Variants in EIPR1 observed in about 807,000 individuals in gnomAD.
EIPR1 encodes the protein EARP complex and GARP complex interacting protein 1.
A neutral mutation model predicts 48.1 loss-of-function variants in EIPR1; 25 were observed. The observed-to-expected ratio is 0.52, with a 90% CI of 0.38 to 0.73. The LOEUF is 0.73. EIPR1 is among the 30% of genes least tolerant of loss of function. The pLI is 0.00. For synonymous variants in EIPR1, 204 were observed against 201.9 expected (o/e 1.01, Z -0.09); for missense variants, 415 against 506.2 (o/e 0.82, Z 1.73).
At chr2:3,325,401 C>T (rs181746280) in intron 3 of EIPR1, among the ~76,000 whole-genome samples, 4 of 152,342 alleles carry the variant, frequency 2.6e-5, no homozygotes, top group African/African-American at 9.6e-5. Flanking sequence ...GACCAGCATC[C>T]TGTCCACTGT....
chr2:3,274,240 G>A (rs1486010396), intron 3 of EIPR1: 1 of 1,498,128 alleles, frequency 6.7e-7, no homozygotes. Context: ...TCAGACTCAG[G>A]AGCACAACTA....
At chr2:3,211,085 C>T (rs535461969) in intron 5 of EIPR1, among the ~76,000 whole-genome samples, 4 of 152,248 alleles carry the variant, frequency 2.6e-5, no homozygotes, top group East Asian at 3.9e-4. Flanking sequence ...AATTTACCTA[C>T]GTCGCAAACC....
intron 3 of EIPR1, among the ~76,000 whole-genome samples, chr2:3,289,144 A>G (rs904570720): frequency 2.0e-5 from 3 of 152,194 alleles, no homozygotes; most frequent in African/African-American, 2.4e-5. Context: ...AGGGGAGACA[A>G]GCGAGGATTT....
intron 2 of EIPR1, among the ~76,000 whole-genome samples, chr2:3,342,627 T>C (rs1027560366): frequency 6.6e-6 from 1 of 152,222 alleles, no homozygotes; most frequent in Non-Finnish European, 1.5e-5. Flanking sequence ...TTCCTTCTTG[T>C]GAAGACACAA....
In EIPR1 at chr2:3,353,210, G is replaced by A. The variant is rs774185316; in HGVS notation, c.126+1340C>T. The A allele has an allele frequency of 2.0e-4, 95 of 470,960 alleles. 2 individuals are homozygous for A. Among genetic ancestry groups the A allele is most frequent in the South Asian group, 1.5e-3 (94 of 64,522 alleles). The allele number at this position is 470,960 out of a possible 1,614,324, so 29.2% of individuals were successfully genotyped here. On this transcript the variant is annotated intron_variant, in intron 2 of 8. Transcript: ENST00000382125. Reference sequence around the variant, plus strand: ...TGTTTAGGGTTCAGTACTCACCAAGGTTTCCTGGCATCCGCTGGGTGGTCT... The same window carrying A: ...TGTTTAGGGTTCAGTACTCACCAAGATTTCCTGGCATCCGCTGGGTGGTCT...
chr2:3,246,891 GGGAGGGAA>G (rs1558248902), intron 4 of EIPR1, among the ~76,000 whole-genome samples: 1 of 83,638 alleles, frequency 1.2e-5, no homozygotes. Flanking sequence ...GAGGGAGGGA[GGGAGGGAA>G]GGAGGGAGAG....
intron 3 of EIPR1, among the ~76,000 whole-genome samples, chr2:3,287,920 G>A (rs1310460929): frequency 6.6e-6 from 1 of 152,070 alleles, no homozygotes; most frequent in Admixed American, 6.5e-5. Context: ...CCCAGGCGGT[G>A]GAGGGGCCAA....
At chr2:3,227,422 G>A (rs542040176) in intron 4 of EIPR1, among the ~76,000 whole-genome samples, 2 of 152,212 alleles carry the variant, frequency 1.3e-5, no homozygotes, top group African/African-American at 4.8e-5. Context: ...CTTTGAACTC[G>A]AGAGAGATGA....
intron 4 of EIPR1, among the ~76,000 whole-genome samples, chr2:3,225,959 G>A (rs894102428): frequency 6.6e-6 from 1 of 152,204 alleles, no homozygotes; most frequent in Non-Finnish European, 1.5e-5. Context: ...GTTTCAAACG[G>A]CAGGACGGCC....
chr2:3,335,491 A>G (rs565697341), intron 3 of EIPR1, among the ~76,000 whole-genome samples: 1 of 152,254 alleles, frequency 6.6e-6, no homozygotes, highest in South Asian at 2.1e-4. Flanking sequence ...GGGACAGGGC[A>G]AGGGTGGAGG....
chr2:3,360,230 C>T (rs543560687), intron 1 of EIPR1, among the ~76,000 whole-genome samples: 1 of 152,126 alleles, frequency 6.6e-6, no homozygotes, highest in East Asian at 1.9e-4. Context: ...ATGGTGAAAA[C>T]CCATCTCTAC....
At chr2:3,354,038 A>G (rs969088509) in intron 2 of EIPR1, among the ~76,000 whole-genome samples, 1 of 152,196 alleles carries the variant, frequency 6.6e-6, no homozygotes, top group Non-Finnish European at 1.5e-5. Flanking sequence ...GGTTACTGCC[A>G]GGCCATGAAC....
chr2:3,307,749 T>C (rs1668992302), intron 3 of EIPR1, among the ~76,000 whole-genome samples: 1 of 152,240 alleles, frequency 6.6e-6, no homozygotes, highest in South Asian at 2.1e-4. Flanking sequence ...CATAGTTATA[T>C]GGAAGGAATA....
At chr2:3,253,273 T>C (rs1408092986) in intron 4 of EIPR1, among the ~76,000 whole-genome samples, 1 of 152,190 alleles carries the variant, frequency 6.6e-6, no homozygotes, top group Non-Finnish European at 1.5e-5. Flanking sequence ...CCCCCCTTTC[T>C]GGACCAAACC....
chr2:3,350,280 AT>A (rs777533650), intron 2 of EIPR1, among the ~76,000 whole-genome samples: 10 of 152,166 alleles, frequency 6.6e-5, no homozygotes, highest in Admixed American at 1.3e-4. Flanking sequence ...AAGCAGGCAC[AT>A]CTTCACATGG....
chr2:3,316,666 C>T (rs1308561768), intron 3 of EIPR1, among the ~76,000 whole-genome samples: 1 of 152,252 alleles, frequency 6.6e-6, no homozygotes, highest in East Asian at 1.9e-4. Context: ...TGACTTTTCA[C>T]AATGAAGCTG....
At chr2:3,367,176 A>G (rs1260070541) in intron 1 of EIPR1, among the ~76,000 whole-genome samples, 3 of 151,788 alleles carry the variant, frequency 2.0e-5, no homozygotes, top group Non-Finnish European at 4.4e-5. Context: ...TCCTCTACAG[A>G]AATGCCTCTG....
intron 4 of EIPR1, among the ~76,000 whole-genome samples, chr2:3,243,014 C>G (rs928947886): frequency 6.6e-6 from 1 of 152,140 alleles, no homozygotes; most frequent in Non-Finnish European, 1.5e-5. Context: ...CTTCCAGGAA[C>G]AGAATCATGT....
chr2:3,246,809 GAGGGAGGGAGGGAGGA>G (rs1666815861), intron 4 of EIPR1, among the ~76,000 whole-genome samples: 2 of 59,544 alleles, frequency 3.4e-5, no homozygotes, highest in Non-Finnish European at 6.3e-5. Flanking sequence ...GGGAGGCAGG[GAGGGAGGGAGGGAGGA>G]AGGGAGGGAA....
Sources: allele counts gnomAD v4.1 joint callset (sites outside exome capture counted in the v4.1 genomes callset), GRCh38; gene constraint gnomAD v4.1.1; transcripts MANE v1.5; gene names NCBI Gene and HGNC (gene_info 2026-07-23, HGNC 2026-07-21).